The following ZNF251 variants were observed in gnomAD, a reference collection of about 807,000 sequenced individuals.
ZNF251 encodes the protein zinc finger protein 251.
Under a neutral mutation model 13.5 loss-of-function variants are expected in ZNF251, and 14 were observed. That is an observed-to-expected ratio of 1.04 (90% CI 0.69 to 1.63). ZNF251 has a LOEUF of 1.63. Ranked by LOEUF, ZNF251 falls within the 40% of genes most tolerant of loss-of-function variation. ZNF251 has a pLI of 0.00. For synonymous variants in ZNF251, 287 were observed against 295.2 expected (o/e 0.97, Z 0.28); for missense variants, 764 against 834.9 (o/e 0.92, Z 1.05).
rs1823373602 is a variant in ZNF251 at position 144,721,643 on chromosome 8, A to G, written c.*1T>C. 1 of 1,341,834 alleles carries G rather than the reference A, an allele frequency of 7.5e-7. No homozygotes were observed. Among genetic ancestry groups the G allele is most frequent in the Non-Finnish European group, 9.6e-7 (1 of 1,036,796 alleles). 83.1% of individuals were successfully genotyped at this position (1,341,834 alleles called of 1,614,324 possible). ...CTAAACTGTCTTCTGCATTTATCAC[A>G]TTAAAAATGTCTTTCTTGGAAAATC... is the stretch of plus-strand genomic sequence containing the variant. On this transcript the variant is annotated 3_prime_UTR_variant, in exon 5 of 5. Coordinates refer to ENST00000292562, the MANE Select transcript of ZNF251 (RefSeq NM_138367.2).
intron 4 of ZNF251, among the ~76,000 whole-genome samples, chr8:144,731,243 T>C (rs1823685067): frequency 6.6e-6 from 1 of 152,182 alleles, no homozygotes; most frequent in South Asian, 2.1e-4. Context: ...AACACTTTAG[T>C]CAAAATGACC....
chr8:144,750,809 T>C (rs1025360585), intron 4 of ZNF251, among the ~76,000 whole-genome samples: 2 of 152,072 alleles, frequency 1.3e-5, no homozygotes, highest in Non-Finnish European at 2.9e-5. Context: ...CAAGATGTGG[T>C]TGTGATTCTT....
At chr8:144,744,777 C>T (rs1010319854) in intron 4 of ZNF251, among the ~76,000 whole-genome samples, 2 of 152,058 alleles carry the variant, frequency 1.3e-5, no homozygotes, top group Non-Finnish European at 2.9e-5. Flanking sequence ...AAAATAAGGC[C>T]GGGCGCAGTG....
chr8:144,737,714 C>G (rs934717326), intron 4 of ZNF251, among the ~76,000 whole-genome samples: 3 of 145,376 alleles, frequency 2.1e-5, no homozygotes, highest in Non-Finnish European at 4.5e-5. Flanking sequence ...CGCCTGTAGT[C>G]CCAGCTACTT....
chr8:144,732,614 C>T lies in ZNF251; in HGVS notation c.278-9232G>A, dbSNP rs564167383. 4.6e-3 allele frequency among the ~76,000 whole-genome samples: 690 copies of T among 151,138 alleles called. 5 individuals are homozygous for T. Among genetic ancestry groups the T allele is most frequent in the Middle Eastern group, 0.014 (4 of 280 alleles). The stretch of plus-strand genomic sequence containing the variant: ...AATCACGAGGTCAGGAGATGGAGAC[C>T]ATCCTGGCCAACACGGTGAAACCCC... On this transcript the variant is annotated intron_variant, in intron 4 of 4. Coordinates refer to ENST00000292562, the MANE Select transcript of ZNF251 (RefSeq NM_138367.2).
chr8:144,754,673 G>C (rs1411002171), intron 2 of ZNF251, 23 bp downstream of exon 2: 16 of 1,599,086 alleles, frequency 1.0e-5, no homozygotes, highest in Non-Finnish European at 1.3e-5. Context: ...TGAAGAGGTG[G>C]GCAGGAAGGA....
At chr8:144,744,950 G>A (rs903724235) in intron 4 of ZNF251, among the ~76,000 whole-genome samples, 1 of 152,164 alleles carries the variant, frequency 6.6e-6, no homozygotes, top group African/African-American at 2.4e-5. Flanking sequence ...CAGCTACTAG[G>A]GAGGCTGAGG....
At chr8:144,729,329 ATTTT>A (rs1315950493) in intron 4 of ZNF251, among the ~76,000 whole-genome samples, 23 of 123,730 alleles carry the variant, frequency 1.9e-4, no homozygotes, top group Non-Finnish European at 3.8e-4. Flanking sequence ...TTATTTATTT[ATTTT>A]TATTTTTTTT....
At chr8:144,732,441 T>A (rs1258034692) in intron 4 of ZNF251, among the ~76,000 whole-genome samples, 1 of 152,202 alleles carries the variant, frequency 6.6e-6, no homozygotes, top group Non-Finnish European at 1.5e-5. Context: ...GAAAAAGTGC[T>A]GTACATCAAT....
At chr8:144,750,617 A>T (rs1044568564) in intron 4 of ZNF251, among the ~76,000 whole-genome samples, 7 of 152,166 alleles carry the variant, frequency 4.6e-5, no homozygotes, top group African/African-American at 1.7e-4. Flanking sequence ...TTTCTCTGAT[A>T]TTCACTGTCA....
At position 144,721,668 on chromosome 8, in the gene ZNF251, C is replaced by A; in HGVS notation, c.1992G>T (p.Lys664Asn). The A allele has an allele frequency of 7.5e-7, 1 of 1,341,744 alleles. No homozygotes were observed. Among genetic ancestry groups the A allele is most frequent in the African/African-American group, 1.5e-5 (1 of 67,784 alleles). The allele number at this position is 1,341,744 out of a possible 1,614,324, so 83.1% of individuals were successfully genotyped here. Reference protein sequence around the residue: ...GSKRYFIHIKKIFQERHF With the variant: ...GSKRYFIHIKNIFQERHF ...ATTAAAAATGTCTTTCTTGGAAAAT[C>A]TTCTTGATATGAATAAAGTATCTTT... Residue 664 changes from lysine (K) to asparagine (N), a missense_variant, in exon 5 of 5, where the codon AAG (lysine) becomes AAT (asparagine). By Grantham distance (94) the Lys-to-Asn change is moderately conservative (BLOSUM62 0). Transcript: ENST00000292562.
At chr8:144,728,570 G>A (rs1364282333) in intron 4 of ZNF251, among the ~76,000 whole-genome samples, 2 of 151,288 alleles carry the variant, frequency 1.3e-5, no homozygotes, top group African/African-American at 2.4e-5. Flanking sequence ...GGCTGAGGCA[G>A]GAGAATAGCA....
intron 4 of ZNF251, chr8:144,753,365 A>T (rs1824790429): frequency 5.6e-6 from 1 of 179,170 alleles, no homozygotes; most frequent in Non-Finnish European, 1.2e-5. Flanking sequence ...AGGACATGGT[A>T]GGGTACCGAT....
intron 4 of ZNF251, among the ~76,000 whole-genome samples, chr8:144,726,637 G>A (rs1020336230): frequency 2.0e-5 from 3 of 152,148 alleles, no homozygotes; most frequent in Non-Finnish European, 1.5e-5. Context: ...TTGGGAGGCC[G>A]AGGCGGGTGG....
intron 4 of ZNF251, among the ~76,000 whole-genome samples, chr8:144,726,911 G>A (rs1000624806): frequency 6.6e-6 from 1 of 151,978 alleles, no homozygotes; most frequent in Non-Finnish European, 1.5e-5. Context: ...AAACTTAGCT[G>A]GGCATGGTGG....
intron 2 of ZNF251, 120 bp from the exon 3 acceptor site, chr8:144,754,441 G>T (rs750926024): frequency 2.5e-5 from 36 of 1,447,190 alleles, no homozygotes; most frequent in Non-Finnish European, 2.9e-5. Context: ...TATGAACTGT[G>T]TATCAGCAGG....
chr8:144,726,438 G>A (rs1351342058), intron 4 of ZNF251, among the ~76,000 whole-genome samples: 3 of 151,966 alleles, frequency 2.0e-5, no homozygotes, highest in African/African-American at 7.3e-5. Flanking sequence ...TCGGGAGGCT[G>A]AGGCAGGAGA....
chr8:144,752,963 T>C (rs1339280179), intron 4 of ZNF251, among the ~76,000 whole-genome samples: 1 of 151,916 alleles, frequency 6.6e-6, no homozygotes, highest in African/African-American at 2.4e-5. Context: ...GTATATTCAA[T>C]AGAACAAAGG....
chr8:144,755,336 G>A lies in ZNF251; in HGVS notation c.-76+69C>T. 11 of 1,249,200 alleles carry A rather than the reference G, an allele frequency of 8.8e-6. 1 individual carries two copies. In the Admixed American group the frequency reaches 1.2e-4, roughly 13 times the overall value. The allele number at this position is 1,249,200 out of a possible 1,614,324, so 77.4% of individuals were successfully genotyped here. On this transcript the variant is annotated intron_variant, in intron 1 of 4. Transcript: ENST00000292562. ...CTCCTGGACTGGCCGCCGCCTCCCC[G>A]CGCCCTCCCCGCGCCCTCCCCGCCT... is the stretch of plus-strand genomic sequence containing the variant.
Sources: allele counts gnomAD v4.1 joint callset (sites outside exome capture counted in the v4.1 genomes callset), GRCh38; gene constraint gnomAD v4.1.1; transcripts MANE v1.5; gene names NCBI Gene and HGNC (gene_info 2026-07-23, HGNC 2026-07-21).